The following DNAH9 variants were observed in gnomAD, a reference collection of about 807,000 sequenced individuals.
DNAH9 encodes DNAH9 variant protein.
In DNAH9, 345 loss-of-function variants were observed where a neutral mutation model predicts 471.6. The ratio of observed to expected loss-of-function variants is 0.73; its 90% CI spans 0.67 to 0.80. The LOEUF (loss-of-function observed/expected upper bound fraction) is 0.80, where lower values mean the gene tolerates loss of function less well. Among genes scored for constraint, DNAH9 ranks in the 30% least tolerant of loss-of-function variants. The probability of loss-of-function intolerance (pLI) is 0.00; values close to 1 mark genes in which losing one functional copy is unlikely to be tolerated. For synonymous variants in DNAH9, 2,093 were observed against 2,123.6 expected (o/e 0.99, Z 0.40); for missense variants, 5,407 against 5,609.2 (o/e 0.96, Z 1.15).
chr17:11,611,965 G>C, intron 4 of DNAH9, 185 bp downstream of exon 4: 1 of 639,410 alleles, frequency 1.6e-6, no homozygotes, highest in Non-Finnish European at 2.8e-6. Context: ...GAGCTATGCT[G>C]TTTGCAGTTC....
intron 14 of DNAH9, among the ~76,000 whole-genome samples, chr17:11,659,882 G>A (rs1316888841): frequency 1.3e-5 from 2 of 152,142 alleles, no homozygotes; most frequent in East Asian, 1.9e-4. Flanking sequence ...GCTGGACTTC[G>A]TAGCCCCCAC....
chr17:11,619,341 G>C (rs1463025579), intron 5 of DNAH9, among the ~76,000 whole-genome samples: 2 of 152,140 alleles, frequency 1.3e-5, no homozygotes, highest in Non-Finnish European at 2.9e-5. Flanking sequence ...GCCCATTCCT[G>C]AGCCAATCAC....
rs577487137 is a variant in DNAH9, at chr17:11,623,050, G to T, written c.1350+3269G>T. ...GTGCAGTGGCACAATCTCGGCTCAC[G>T]ACAACCTCTGCCTCCTGGGTTCAAG... On this transcript the variant is annotated intron_variant, in intron 6 of 68. Coordinates refer to ENST00000262442, the MANE Select transcript of DNAH9 (RefSeq NM_001372.4). The surrounding 1 kb of genome is among the most constrained non-coding windows in gnomAD (Gnocchi z 4.1). 4.9e-3 allele frequency among the ~76,000 whole-genome samples: 695 copies of T among 142,106 alleles called. 3 individuals are homozygous for T. Among genetic ancestry groups the T allele is most frequent in the Non-Finnish European group, 8.2e-3 (542 of 66,502 alleles). 93.2% of individuals were successfully genotyped at this position (142,106 alleles called of 152,430 possible).
In DNAH9 at chr17:11,883,570, T is replaced by G. The variant is rs1386058236; in HGVS notation, c.10807-16T>G. On this transcript the variant is annotated splice_polypyrimidine_tract_variant and intron_variant, in intron 55 of 68. Coordinates refer to ENST00000262442, the MANE Select transcript of DNAH9 (RefSeq NM_001372.4). ...TGGGCATCTGCACCTGACTGTCTCTTGCTTGATATTTGCAGTCCGATCTCA... is the reference window on the plus strand; with the variant it reads ...TGGGCATCTGCACCTGACTGTCTCTGGCTTGATATTTGCAGTCCGATCTCA... The G allele has an allele frequency of 6.2e-7, 1 of 1,613,528 alleles. No homozygotes were observed. The highest frequency in any genetic ancestry group is 1.7e-5 in the Admixed American group (1 of 60,006).
chr17:11,943,985 C>T (rs1448674656), intron 67 of DNAH9, among the ~76,000 whole-genome samples: 1 of 152,198 alleles, frequency 6.6e-6, no homozygotes, highest in African/African-American at 2.4e-5. Context: ...ATTTGAAAGG[C>T]TTATGGAACT....
At chr17:11,777,422 T>C (rs1157028568) in intron 38 of DNAH9, among the ~76,000 whole-genome samples, 2 of 152,206 alleles carry the variant, frequency 1.3e-5, no homozygotes, top group East Asian at 1.9e-4. Context: ...TTTGAAAATA[T>C]AAATAATTTT....
intron 45 of DNAH9, 111 bp from the exon 46 acceptor site, chr17:11,821,809 C>T: frequency 8.2e-7 from 1 of 1,219,248 alleles, no homozygotes; most frequent in South Asian, 1.5e-5. Context: ...AGAGTTGGTA[C>T]ATGGCCTAAA....
intron 50 of DNAH9, among the ~76,000 whole-genome samples, chr17:11,859,367 G>C (rs950298005): frequency 2.0e-5 from 3 of 147,014 alleles, no homozygotes; most frequent in Non-Finnish European, 3.0e-5. Context: ...AGCTGAGATC[G>C]TGCCATTGCA....
rs376083269 is a variant in DNAH9 at position 11,855,066 on chromosome 17, AT to A, written c.9933+649del. 3.5e-3 allele frequency among the ~76,000 whole-genome samples: 520 copies of A among 146,774 alleles called. 5 individuals carry two copies. Among genetic ancestry groups the A allele is most frequent in the East Asian group, 0.013 (67 of 5,018 alleles). ...GAAATAATTGAAAGGATCAGAATTC[AT>A]TTTTTTTTTTAATCTGTAGAGGCAG... On this transcript the variant is annotated intron_variant, in intron 50 of 68. Coordinates refer to ENST00000262442, the MANE Select transcript of DNAH9 (RefSeq NM_001372.4).
chr17:11,599,938 G>A (rs543451056), intron 1 of DNAH9, among the ~76,000 whole-genome samples: 2 of 152,286 alleles, frequency 1.3e-5, no homozygotes, highest in South Asian at 4.2e-4. Flanking sequence ...TAAGACTGGG[G>A]TGAGGGTAAA....
In DNAH9 at chr17:11,598,480, C is replaced by G. The variant is rs1405704804; in HGVS notation, c.-19C>G. ...GTCCCCGTCGCTAGGGAAACCGATG[C>G]AGCTGGAGGCCGCGCGCGATGCGGC... On this transcript the variant is annotated 5_prime_UTR_variant, in exon 1 of 69. Coordinates refer to ENST00000262442, the MANE Select transcript of DNAH9 (RefSeq NM_001372.4). 8.9e-6 allele frequency: 12 copies of G among 1,353,606 alleles called. No homozygotes were observed. The highest frequency in any genetic ancestry group is 1.0e-5 in the Non-Finnish European group (11 of 1,059,720). 83.8% of individuals were successfully genotyped at this position (1,353,606 alleles called of 1,614,324 possible).
intron 26 of DNAH9, among the ~76,000 whole-genome samples, chr17:11,708,002 CACACACACACACAG>C (rs1378862428): frequency 4.0e-3 from 197 of 49,790 alleles, no homozygotes; most frequent in East Asian, 0.013. Context: ...CACACACACA[CACACACACACACAG>C]AGAGAGAGAG....
chr17:11,912,783 T>C (rs554080275), intron 61 of DNAH9, among the ~76,000 whole-genome samples: 1 of 152,332 alleles, frequency 6.6e-6, no homozygotes, highest in South Asian at 2.1e-4. Flanking sequence ...TTCTTTGCAA[T>C]GTCCTTGTCT....
chr17:11,963,658 A>AT (rs1191989414), intron 68 of DNAH9, among the ~76,000 whole-genome samples: 2 of 145,694 alleles, frequency 1.4e-5, no homozygotes, highest in Non-Finnish European at 3.1e-5. Context: ...TAAGAGTTGA[A>AT]ATTTTTTTTA....
intron 6 of DNAH9, among the ~76,000 whole-genome samples, chr17:11,625,856 A>C (rs1718607185): frequency 6.6e-6 from 1 of 152,226 alleles, no homozygotes; most frequent in Admixed American, 6.5e-5. Flanking sequence ...CACATATAAT[A>C]TCCATTAACC....
chr17:11,861,134 T>A (rs1186094695), intron 50 of DNAH9, among the ~76,000 whole-genome samples: 3 of 152,046 alleles, frequency 2.0e-5, no homozygotes, highest in African/African-American at 7.3e-5. Flanking sequence ...CACTAACTCG[T>A]CATCTAGCAT....
intron 53 of DNAH9, 82 bp downstream of exon 53, chr17:11,875,266 T>C: frequency 9.7e-7 from 1 of 1,031,266 alleles, no homozygotes; most frequent in South Asian, 1.5e-5. Context: ...TTAAGCCCAG[T>C]GAATGGTTTG....
chr17:11,809,689 C>G (rs1037253436), intron 44 of DNAH9, among the ~76,000 whole-genome samples: 1 of 152,188 alleles, frequency 6.6e-6, no homozygotes, highest in Non-Finnish European at 1.5e-5. Flanking sequence ...GGCTTGCCTT[C>G]AGGAGCAGGT....
intron 31 of DNAH9, among the ~76,000 whole-genome samples, chr17:11,747,096 T>C (rs1966912256): frequency 6.6e-6 from 1 of 152,332 alleles, no homozygotes; most frequent in Admixed American, 6.5e-5. Flanking sequence ...AGTAATAAGC[T>C]GAAAGTTCTT....
Sources: allele counts gnomAD v4.1 joint callset (sites outside exome capture counted in the v4.1 genomes callset), GRCh38; gene constraint gnomAD v4.1.1; non-coding constraint Gnocchi (gnomAD v3.1); transcripts MANE v1.5; gene names NCBI Gene and HGNC (gene_info 2026-07-23, HGNC 2026-07-21).